Variants in UBA6 observed in about 807,000 individuals in gnomAD.
UBA6 encodes the protein ubiquitin like modifier activating enzyme 6, also known as ubiquitin-like modifier-activating enzyme 6.
UBA6 carries 87 observed loss-of-function variants against 148.3 expected under a neutral mutation model. The ratio of observed to expected loss-of-function variants is 0.59; its 90% CI spans 0.49 to 0.70. UBA6 has a LOEUF of 0.70. Among genes scored for constraint, UBA6 ranks in the 30% least tolerant of loss-of-function variants. UBA6 has a pLI of 0.00. For missense variants in UBA6, 1,186 were observed against 1,241.2 expected, an observed-to-expected ratio of 0.96 and a Z score of 0.67; for synonymous variants, 376 against 401.0, an observed-to-expected ratio of 0.94 and a Z score of 0.75.
chr4:67,638,951 G>T lies in UBA6; in HGVS notation c.1728C>A (p.Tyr576Ter). The change falls in exon 19 of 33, where the codon TAC becomes TAA. Residue 576 changes from tyrosine (Y) to a stop codon, truncating the protein, a stop_gained. Coordinates refer to ENST00000322244, the MANE Select transcript of UBA6 (RefSeq NM_018227.6). LOFTEE classifies it high-confidence loss of function. ...GAATTTCAAGAACATACCTGTCTAC[G>T]TATCTCCTGGCTTCCACATTATCTA... ...TALDNVEARR[Y>*]VDSRCLANLR... is the part of the protein sequence containing the mutation. 6.2e-7 allele frequency: 1 copy of T among 1,602,304 alleles called. No homozygotes were observed. The highest frequency in any genetic ancestry group is 8.5e-7 in the Non-Finnish European group (1 of 1,172,680).
At chr4:67,642,231 G>T (rs915614560) in intron 17 of UBA6, among the ~76,000 whole-genome samples, 1 of 151,712 alleles carries the variant, frequency 6.6e-6, no homozygotes, top group South Asian at 2.1e-4. Context: ...GATTCCTACT[G>T]CCCCCAACTC....
At chr4:67,665,051 G>T (rs945081451) in intron 10 of UBA6, 138 bp downstream of exon 10, 14 of 526,484 alleles carry the variant, frequency 2.7e-5, no homozygotes, top group African/African-American at 2.5e-4. Flanking sequence ...CCTCAAAGTG[G>T]GTACAAACAA....
At chr4:67,622,627 T>C (rs976923127) in intron 32 of UBA6, among the ~76,000 whole-genome samples, 6 of 152,228 alleles carry the variant, frequency 3.9e-5, no homozygotes, top group African/African-American at 1.4e-4. Context: ...AAATCAGGTT[T>C]CTAAACCTAT....
intron 17 of UBA6, among the ~76,000 whole-genome samples, chr4:67,642,826 T>G (rs370832136): frequency 6.6e-6 from 1 of 152,068 alleles, no homozygotes; most frequent in Non-Finnish European, 1.5e-5. Context: ...ATATATTGCT[T>G]CTTCTCCCTT....
chr4:67,638,748 A>C (rs1186181526), intron 19 of UBA6, among the ~76,000 whole-genome samples, 195 bp downstream of exon 19: 1 of 152,228 alleles, frequency 6.6e-6, no homozygotes, highest in African/African-American at 2.4e-5. Context: ...CATGAAAAAC[A>C]TTTAGGTTAT....
chr4:67,685,853 C>A (rs942500490), intron 2 of UBA6, among the ~76,000 whole-genome samples: 1 of 152,140 alleles, frequency 6.6e-6, no homozygotes, highest in African/African-American at 2.4e-5. Context: ...CCAGATATGA[C>A]CCCTTGATCT....
intron 23 of UBA6, among the ~76,000 whole-genome samples, chr4:67,633,132 C>G (rs937138837): frequency 6.6e-6 from 1 of 152,112 alleles, no homozygotes; most frequent in Non-Finnish European, 1.5e-5. Context: ...AGCAAAATTT[C>G]TGACTAAATG....
At position 67,665,309 on chromosome 4, in the gene UBA6, T is replaced by C; in HGVS notation, c.794-17A>G. On this transcript the variant is annotated splice_polypyrimidine_tract_variant and intron_variant, in intron 9 of 32. Transcript: ENST00000322244. The stretch of plus-strand genomic sequence containing the variant: ...GCGATATCACTAGAAGACAAAAAAT[T>C]TAAAAAATCATTACACAGGGATATA... 1 of 1,508,674 alleles carries C rather than the reference T, an allele frequency of 6.6e-7. No homozygotes were observed. Among genetic ancestry groups the C allele is most frequent in the Non-Finnish European group, 9.0e-7 (1 of 1,105,084 alleles). 93.5% of individuals were successfully genotyped at this position (1,508,674 alleles called of 1,614,324 possible). A position where few individuals can be genotyped will look rare whatever the true frequency, so the allele number is the denominator to read the frequency against.
chr4:67,678,235 T>C (rs2109947192), intron 5 of UBA6, among the ~76,000 whole-genome samples: 1 of 150,140 alleles, frequency 6.7e-6, no homozygotes, highest in Admixed American at 6.6e-5. Flanking sequence ...TAAATAACTA[T>C]GACTGATTGG....
chr4:67,671,718 T>C (rs913831053), intron 7 of UBA6, among the ~76,000 whole-genome samples: 2 of 152,184 alleles, frequency 1.3e-5, no homozygotes, highest in Admixed American at 6.5e-5. Flanking sequence ...TCATAAATTA[T>C]GATTTTGCCT....
chr4:67,621,119 G>A (rs771870010), intron 32 of UBA6, among the ~76,000 whole-genome samples: 1 of 152,132 alleles, frequency 6.6e-6, no homozygotes, highest in Non-Finnish European at 1.5e-5. Flanking sequence ...TTATGATCAC[G>A]TACAGTCCAC....
Position 67,646,816 on chromosome 4 carries a change from A to T in UBA6, c.1249-25T>A, listed in dbSNP as rs1312072631. On this transcript the variant is annotated intron_variant, in intron 14 of 32. Coordinates refer to ENST00000322244, the MANE Select transcript of UBA6 (RefSeq NM_018227.6). ...ACTTAAAGTAGAAGATTAAAAACAC[A>T]ATTATTATGTATAAAACAAATTACT... The T allele has an allele frequency of 4.7e-6, 7 of 1,501,378 alleles. No individual in the cohort carries two copies. In the African/African-American group the frequency reaches 9.8e-5, roughly 21 times the overall value. The allele number at this position is 1,501,378 out of a possible 1,614,324, so 93.0% of individuals were successfully genotyped here. A position where few individuals can be genotyped will look rare whatever the true frequency, so the allele number is the denominator to read the frequency against.
At chr4:67,687,292 C>G (rs988017185) in intron 2 of UBA6, among the ~76,000 whole-genome samples, 2 of 151,916 alleles carry the variant, frequency 1.3e-5, no homozygotes, top group African/African-American at 4.8e-5. Flanking sequence ...CCTCAGCCTC[C>G]CAAAGTGCTG....
chr4:67,626,441 G>A lies in UBA6; in HGVS notation c.2437C>T (p.His813Tyr). 1.9e-6 allele frequency: 3 copies of A among 1,610,810 alleles called. No homozygotes were observed. The highest frequency in any genetic ancestry group is 1.7e-5 in the Admixed American group (1 of 59,790). ...TCATCTTCACTGCTAATAGGAACAT[G>A]GTCTGGTTTCCTTGCAGTTTCATCT... is the stretch of plus-strand genomic sequence containing the variant. ...QTDETARKPDHVPISSEDERN... is the reference protein window; with the variant it reads ...QTDETARKPDYVPISSEDERN... Residue 813 changes from histidine (H) to tyrosine (Y), a missense_variant, in exon 28 of 33, where the codon CAT (histidine) becomes TAT (tyrosine). His to Tyr is a moderately conservative substitution (Grantham distance 83). Coordinates refer to ENST00000322244, the MANE Select transcript of UBA6 (RefSeq NM_018227.6).
Position 67,701,108 on chromosome 4 carries a change from G to A in UBA6, c.12C>T (p.Ser4=), listed in dbSNP as rs372515439. The A allele has an allele frequency of 3.1e-6, 5 of 1,613,268 alleles. No individual in the cohort carries two copies. In the East Asian group the frequency reaches 8.9e-5, roughly 29 times the overall value. Residue 4 remains serine (S), a synonymous_variant, in exon 1 of 33, where the codon TCC becomes TCT. Transcript: ENST00000322244. MEG[S]EPVAAHQGEE... is the part of the protein sequence containing the mutation. ...CCCCCTGATGGGCGGCCACAGGCTC[G>A]GATCCTTCCATTGCCGCCTGAGACA...
At chr4:67,679,058 T>C (rs147512800) in intron 4 of UBA6, among the ~76,000 whole-genome samples, 50 of 152,240 alleles carry the variant, frequency 3.3e-4, no homozygotes, top group African/African-American at 1.2e-3. Flanking sequence ...CCGTACAATG[T>C]ATAATCATGC....
chr4:67,670,558 C>G lies in UBA6; in HGVS notation c.581G>C (p.Arg194Thr). 1 of 1,611,732 alleles carries G rather than the reference C, an allele frequency of 6.2e-7. No homozygotes were observed. The highest frequency in any genetic ancestry group is 8.5e-7 in the Non-Finnish European group (1 of 1,178,068). The change falls in exon 8 of 33, where the codon AGG (arginine) becomes ACG (threonine). Residue 194 changes from arginine (R) to threonine (T), a missense_variant. Physicochemically the swap from Arg to Thr is moderately conservative, Grantham distance 71. Coordinates refer to ENST00000322244, the MANE Select transcript of UBA6 (RefSeq NM_018227.6). ...TTCATCACCGAAATCACAAAATAAC[C>G]TTGACCAAATTCCATGTACATCTGC... ...ISADVHGIWS[R>T]LFCDFGDEFE...
Position 67,634,535 on chromosome 4 carries a change from G to T in UBA6, c.1843-17C>A. The stretch of plus-strand genomic sequence containing the variant: ...GGGATCCCGCTAATTTATAAAATAT[G>T]ACAACAGGTACTTAAGGGGAAGCAA... On this transcript the variant is annotated splice_polypyrimidine_tract_variant and intron_variant, in intron 20 of 32. Transcript: ENST00000322244. 1.3e-6 allele frequency: 2 copies of T among 1,533,578 alleles called. No homozygotes were observed. Among genetic ancestry groups the T allele is most frequent in the South Asian group, 1.3e-5 (1 of 77,450 alleles). 95.0% of individuals were successfully genotyped at this position (1,533,578 alleles called of 1,614,324 possible).
chr4:67,635,041 C>T (rs1200285523), intron 20 of UBA6, among the ~76,000 whole-genome samples: 1 of 151,834 alleles, frequency 6.6e-6, no homozygotes, highest in Non-Finnish European at 1.5e-5. Flanking sequence ...TGAAGAAATC[C>T]ACATTCTATT....
Sources: gnomAD v4.1 joint callset for allele counts (sites outside exome capture counted in the v4.1 genomes callset) on GRCh38, gnomAD v4.1.1 for gene constraint, MANE v1.5 for transcripts, NCBI Gene and HGNC (gene_info 2026-07-23, HGNC 2026-07-21) for gene names.